The following NBEA variants were observed in gnomAD, a reference collection of about 807,000 sequenced individuals.
NBEA encodes the protein lysosomal-trafficking regulator 2.
In NBEA, 44 loss-of-function variants were observed where a neutral mutation model predicts 343.4. That is an observed-to-expected ratio of 0.13 (90% CI 0.10 to 0.16). The LOEUF is 0.16. NBEA is among the 10% of genes least tolerant of loss of function. The probability of loss-of-function intolerance (pLI) is 1.00; values close to 1 mark genes in which losing one functional copy is unlikely to be tolerated. For synonymous variants in NBEA, 1,175 were observed against 1,238.7 expected, an observed-to-expected ratio of 0.95 and a Z score of 1.08; for missense variants, 2,555 against 3,631.3, an observed-to-expected ratio of 0.70 and a Z score of 7.62.
Position 35,375,129 on chromosome 13 carries a change from T to A in NBEA, c.6179+22806T>A, listed in dbSNP as rs536042649. ...TTCATCTCTCAGTATTTAATTATAA[T>A]TAGTCACTTTCGCACTGCTTTCCTT... On this transcript the variant is annotated intron_variant, in intron 38 of 58. Coordinates refer to ENST00000379939, the MANE Select transcript of NBEA (RefSeq NM_001385012.1). 5.3e-5 allele frequency among the ~76,000 whole-genome samples: 8 copies of A among 152,274 alleles called. No individual in the cohort carries two copies. The East Asian group carries it at 1.5e-3, about 29-fold the overall frequency.
In NBEA at chr13:34,942,283, C is replaced by G. The variant is rs984291159; in HGVS notation, c.-538C>G. 6.5e-6 allele frequency: 1 copy of G among 153,648 alleles called. No homozygotes were observed. Among genetic ancestry groups the G allele is most frequent in the African/African-American group, 2.4e-5 (1 of 41,472 alleles). The allele number at this position is 153,648 out of a possible 1,614,324, so 9.5% of individuals were successfully genotyped here. On this transcript the variant is annotated 5_prime_UTR_variant, in exon 1 of 59. Transcript: ENST00000379939. The stretch of plus-strand genomic sequence containing the variant: ...CTGTGCGCAGGCGCAGTGGCTGCTA[C>G]CGCAGGCAGGGGGCGGCAACATGGC...
At chr13:35,454,498 C>A (rs1168953446) in intron 40 of NBEA, among the ~76,000 whole-genome samples, 1 of 152,164 alleles carries the variant, frequency 6.6e-6, no homozygotes, top group East Asian at 1.9e-4. Context: ...CATAACATGT[C>A]ATTCTAAGTA....
In NBEA at chr13:35,655,016, C is replaced by A; in HGVS notation, c.8191+6C>A. The A allele has an allele frequency of 6.6e-7, 1 of 1,509,980 alleles. No homozygotes were observed. The highest frequency in any genetic ancestry group is 1.4e-5 in the African/African-American group (1 of 69,550). 93.5% of individuals were successfully genotyped at this position (1,509,980 alleles called of 1,614,324 possible). ...AGTTTATTCTACAGAAACAGGTAATCCTAACTATGAAACACCATATTCTCT... is the reference window on the plus strand; with the variant it reads ...AGTTTATTCTACAGAAACAGGTAATACTAACTATGAAACACCATATTCTCT... On this transcript the variant is annotated splice_donor_region_variant and intron_variant, in intron 54 of 58. Transcript: ENST00000379939.
chr13:35,422,728 T>A (rs1246335233), intron 38 of NBEA, among the ~76,000 whole-genome samples: 1 of 152,204 alleles, frequency 6.6e-6, no homozygotes, highest in South Asian at 2.1e-4. Flanking sequence ...CGCCACACTG[T>A]CTTCCACAAT....
chr13:34,990,755 C>T (rs1000214811), intron 1 of NBEA, among the ~76,000 whole-genome samples: 3 of 152,200 alleles, frequency 2.0e-5, no homozygotes, highest in Non-Finnish European at 2.9e-5. Context: ...CCCTCATGGT[C>T]AGGCTGCAAA....
intron 1 of NBEA, among the ~76,000 whole-genome samples, chr13:34,992,640 CT>C (rs1043422044): frequency 5.3e-5 from 8 of 151,516 alleles, no homozygotes; most frequent in Admixed American, 2.6e-4. Flanking sequence ...TTTATTCTTG[CT>C]TTTTTTAAGG....
chr13:35,118,132 A>C, intron 14 of NBEA, 96 bp from the exon 15 acceptor site: 1 of 776,068 alleles, frequency 1.3e-6, no homozygotes, highest in South Asian at 2.7e-5. Context: ...CATTAAACTA[A>C]CTCTTATTTT....
intron 33 of NBEA, among the ~76,000 whole-genome samples, chr13:35,215,369 A>C (rs2152756648): frequency 6.6e-6 from 1 of 151,382 alleles, no homozygotes; most frequent in East Asian, 1.9e-4. Context: ...TTAAATTTTT[A>C]TGTTTTTCTA....
At chr13:35,216,330 T>A (rs1377280559) in intron 33 of NBEA, among the ~76,000 whole-genome samples, 1 of 151,920 alleles carries the variant, frequency 6.6e-6, no homozygotes, top group Non-Finnish European at 1.5e-5. Flanking sequence ...CATAAAGTTA[T>A]TGGAATACAG....
At chr13:35,280,224 A>G (rs893114136) in intron 34 of NBEA, among the ~76,000 whole-genome samples, 4 of 152,146 alleles carry the variant, frequency 2.6e-5, no homozygotes, top group African/African-American at 7.2e-5. Flanking sequence ...TAAAAAGATT[A>G]TATAGGTAAT....
At chr13:35,298,730 T>A (rs1295546687) in intron 35 of NBEA, among the ~76,000 whole-genome samples, 2 of 152,038 alleles carry the variant, frequency 1.3e-5, no homozygotes, top group African/African-American at 4.8e-5. Context: ...GGAAGCCTGC[T>A]TATGTTTATA....
rs147029141 is a variant in NBEA at position 35,181,926 on chromosome 13, A to T, written c.4663-434A>T. Among the ~76,000 whole-genome samples, 605 of 151,786 alleles carry T rather than the reference A, an allele frequency of 4.0e-3. 3 individuals carry two copies. Among genetic ancestry groups the T allele is most frequent in the African/African-American group, 0.014 (586 of 41,510 alleles). On this transcript the variant is annotated intron_variant, in intron 28 of 58. Transcript: ENST00000379939. ...TATAGTCTCTTGTTCCAGTTACACTAGGATTTTATATGTATTTCAGTTGGA... is the reference window on the plus strand; with the variant it reads ...TATAGTCTCTTGTTCCAGTTACACTTGGATTTTATATGTATTTCAGTTGGA...
At chr13:34,981,001 A>C (rs1036371708) in intron 1 of NBEA, among the ~76,000 whole-genome samples, 4 of 152,168 alleles carry the variant, frequency 2.6e-5, no homozygotes, top group Non-Finnish European at 2.9e-5. Context: ...ATTTACAGTT[A>C]TTTAACTGTA....
intron 46 of NBEA, among the ~76,000 whole-genome samples, chr13:35,587,174 A>G (rs899406750): frequency 5.3e-5 from 8 of 152,160 alleles, no homozygotes; most frequent in African/African-American, 1.9e-4. Flanking sequence ...AGTAAATTTT[A>G]AAACCTAGAA....
At chr13:35,637,550 G>A (rs578201921) in intron 49 of NBEA, among the ~76,000 whole-genome samples, 2 of 152,090 alleles carry the variant, frequency 1.3e-5, no homozygotes, top group Admixed American at 6.6e-5. Flanking sequence ...GAGGCCAGGC[G>A]CAGTGGCTCA....
chr13:34,992,238 G>GTGTATATATATATATA, intron 1 of NBEA, among the ~76,000 whole-genome samples: 1 of 122,132 alleles, frequency 8.2e-6, no homozygotes, highest in Non-Finnish European at 1.7e-5. Flanking sequence ...GTGTGTGTGT[G>GTGTATATATATATATA]TATATATATA....
intron 36 of NBEA, among the ~76,000 whole-genome samples, chr13:35,310,015 G>A (rs1260132739): frequency 6.6e-6 from 1 of 151,554 alleles, no homozygotes; most frequent in Non-Finnish European, 1.5e-5. Flanking sequence ...GAAAATGTGA[G>A]GGATATTAAA....
chr13:35,498,495 G>A (rs1264197852), intron 41 of NBEA, among the ~76,000 whole-genome samples: 4 of 152,016 alleles, frequency 2.6e-5, no homozygotes, highest in African/African-American at 9.7e-5. Flanking sequence ...ACTGGTTGTA[G>A]CAATATTAGA....
chr13:35,481,972 G>C (rs2076136658), intron 41 of NBEA, among the ~76,000 whole-genome samples: 1 of 151,750 alleles, frequency 6.6e-6, no homozygotes, highest in South Asian at 2.1e-4. Context: ...GGACTGCATT[G>C]CTCTCATTAC....
Sources: allele counts gnomAD v4.1 joint callset (sites outside exome capture counted in the v4.1 genomes callset), GRCh38; gene constraint gnomAD v4.1.1; transcripts MANE v1.5; gene names NCBI Gene and HGNC (gene_info 2026-07-23, HGNC 2026-07-21).